FOLR3: variants seen among roughly 807,000 people sequenced by gnomAD.
The protein encoded by FOLR3 is folate receptor gamma, also known as folate receptor 3 (gamma).
Under a neutral mutation model 20.0 loss-of-function variants are expected in FOLR3, and 9 were observed. The ratio of observed to expected loss-of-function variants is 0.45; its 90% CI spans 0.27 to 0.79. FOLR3 has a LOEUF of 0.79. Among genes scored for constraint, FOLR3 ranks in the 30% least tolerant of loss-of-function variants. The pLI is 0.15. For missense variants in FOLR3, 309 were observed against 323.5 expected (o/e 0.96, Z 0.34); for synonymous variants, 124 against 115.5 (o/e 1.07, Z -0.47).
intron 2 of FOLR3, chr11:72,138,695 C>T (rs652197): frequency 0.82 from 410,603 of 502,884 alleles, 171,350 homozygotes; most frequent in Admixed American, 0.89. Flanking sequence ...TTATTTGAGC[C>T]CAGGATGTTG....
chr11:72,137,076 C>A (rs7950807), intron 2 of FOLR3, among the ~76,000 whole-genome samples: 18,280 of 150,470 alleles, frequency 0.12, 1,051 homozygotes, highest in African/African-American at 0.26. Flanking sequence ...GTCTGGCTCC[C>A]CTCCCATGGA....
At chr11:72,139,186 G>GA in intron 3 of FOLR3, 37 bp downstream of exon 3, 1 of 1,590,654 alleles carries the variant, frequency 6.3e-7, no homozygotes, top group Non-Finnish European at 8.6e-7. Context: ...AACCTCAGCA[G>GA]AGGGCGGAGC....
chr11:72,138,784 G>T, intron 2 of FOLR3, 177 bp from the exon 3 acceptor site: 2 of 699,732 alleles, frequency 2.9e-6, no homozygotes, highest in South Asian at 1.8e-5. Context: ...ATAAATAAAT[G>T]AATAAATAGG....
At position 72,139,526 on chromosome 11, in the gene FOLR3, TG is replaced by T. The variant is rs772392490; in HGVS notation, c.493+48del. On this transcript the variant is annotated intron_variant, in intron 4 of 4. Transcript: ENST00000611028. ...AAGATGAGGAGTGGGAGTGGGGCTT[TG>T]GGGTTGGGAGGGGTGCGGTCTGGCC... 4.7e-5 allele frequency: 76 copies of T among 1,612,830 alleles called. 1 individual carries two copies. In the African/African-American group the frequency reaches 8.4e-4, roughly 18 times the overall value.
chr11:72,137,195 C>T (rs1412040505), intron 2 of FOLR3, among the ~76,000 whole-genome samples: 1 of 152,148 alleles, frequency 6.6e-6, no homozygotes, highest in South Asian at 2.1e-4. Context: ...TTCATGATTT[C>T]TCAGGTTTTC....
chr11:72,139,196 C>A (rs759713781), intron 3 of FOLR3, 47 bp downstream of exon 3: 2 of 1,579,378 alleles, frequency 1.3e-6, no homozygotes, highest in Non-Finnish European at 1.7e-6. Context: ...GAGGGCGGAG[C>A]CTGCCAGTTG....
rs769769056 is a variant in FOLR3 at position 72,139,167 on chromosome 11, A to C, written c.357+18A>C. 2.5e-6 allele frequency: 4 copies of C among 1,605,946 alleles called. No homozygotes were observed. Among genetic ancestry groups the C allele is most frequent in the Non-Finnish European group, 3.4e-6 (4 of 1,175,254 alleles). ...TCCGGCAGGTATGAGTGCTGTTCCC[A>C]CAAACATTAACCTCAGCAGAGGGCG... On this transcript the variant is annotated intron_variant, in intron 3 of 4. Transcript: ENST00000611028.
At position 72,136,064 on chromosome 11, in the gene FOLR3, A is replaced by T. The variant is rs1006933536; in HGVS notation, c.112A>T (p.Met38Leu). Residue 38 changes from methionine (M) to leucine (L), a missense_variant, in exon 2 of 5, where the codon ATG (methionine) becomes TTG (leucine). Coordinates refer to ENST00000611028, the MANE Select transcript of FOLR3 (RefSeq NM_000804.4). Reference sequence around the variant, plus strand: ...CAGGACGGACCTGCTCAATGTCTGCATGAACGCCAAGCACCACAAGACACA... The same window carrying T: ...CAGGACGGACCTGCTCAATGTCTGCTTGAACGCCAAGCACCACAAGACACA... ...RARTDLLNVCMNAKHHKTQPS... is the reference protein window; with the variant it reads ...RARTDLLNVCLNAKHHKTQPS... 1.9e-6 allele frequency: 3 copies of T among 1,614,086 alleles called. No homozygotes were observed. The highest frequency in any genetic ancestry group is 2.5e-6 in the Non-Finnish European group (3 of 1,179,934).
At chr11:72,138,840 C>G (rs1042745125) in intron 2 of FOLR3, 121 bp from the exon 3 acceptor site, 1 of 1,168,160 alleles carries the variant, frequency 8.6e-7, no homozygotes, top group Admixed American at 2.1e-5. Context: ...CAGGTGGGAG[C>G]TCCTCAAGGG....
intron 2 of FOLR3, among the ~76,000 whole-genome samples, chr11:72,137,917 C>T (rs1349362439): frequency 1.3e-5 from 2 of 152,058 alleles, no homozygotes; most frequent in South Asian, 4.2e-4. Flanking sequence ...CTACACACAG[C>T]CCACCCACCC....
intron 2 of FOLR3, among the ~76,000 whole-genome samples, chr11:72,137,428 T>G (rs1947755443): frequency 6.6e-6 from 1 of 151,612 alleles, no homozygotes; most frequent in Non-Finnish European, 1.5e-5. Flanking sequence ...GACCAGCCCC[T>G]TGACCTCCAC....
rs375384827 is a variant in FOLR3, at chr11:72,139,031, G to A, written c.239G>A (p.Arg80His). 7.6e-5 allele frequency: 122 copies of A among 1,613,884 alleles called. No homozygotes were observed. Among genetic ancestry groups the A allele is most frequent in the Non-Finnish European group, 9.2e-5 (109 of 1,179,898 alleles). The change falls in exon 3 of 5, where the codon CGC becomes CAC. Residue 80 changes from arginine (R) to histidine (H), a missense_variant. Transcript: ENST00000611028. ...CAGGAGCTGCACAAGGACACCTCCC[G>A]CCTGTACAACTTTAACTGGGATCAC... ...TSQELHKDTS[R>H]LYNFNWDHCG...
At position 72,139,230 on chromosome 11, in the gene FOLR3, G is replaced by A. The variant is rs980194199; in HGVS notation, c.357+81G>A. The A allele has an allele frequency of 8.3e-6, 13 of 1,561,112 alleles. No homozygotes were observed. The African/African-American group carries it at 1.8e-4, about 21-fold the overall frequency. ...TGCTGGCAGGGAGGGCTTGGTCCAG[G>A]AATTCGGGTCTGAGGGTGGTGGACG... On this transcript the variant is annotated intron_variant, in intron 3 of 4. Coordinates refer to ENST00000611028, the MANE Select transcript of FOLR3 (RefSeq NM_000804.4).
At chr11:72,138,736 C>T (rs1241615049) in intron 2 of FOLR3, 20 of 580,216 alleles carry the variant, frequency 3.4e-5, no homozygotes, top group Non-Finnish European at 4.6e-5. Context: ...CACACCACTG[C>T]GCTCCAGCCT....
chr11:72,139,530 G>T, intron 4 of FOLR3, 48 bp downstream of exon 4: 1 of 1,612,864 alleles, frequency 6.2e-7, no homozygotes, highest in Non-Finnish European at 8.5e-7. Context: ...GGGCTTTGGG[G>T]TTGGGAGGGG....
rs200388820 is a variant in FOLR3 at position 72,139,106 on chromosome 11, G to A, written c.314G>A (p.Cys105Tyr). The change falls in exon 3 of 5, where the codon TGT becomes TAT. Residue 105 changes from cysteine (C) to tyrosine (Y), a missense_variant. Cys to Tyr is a radical substitution (Grantham distance 194). Transcript: ENST00000611028. Reference sequence around the variant, plus strand: ...AAGCGCCACTTTATCCAGGACAGCTGTCTCTATGAGTGCTCACCCAACCTG... The same window carrying A: ...AAGCGCCACTTTATCCAGGACAGCTATCTCTATGAGTGCTCACCCAACCTG... ...TCKRHFIQDS[C>Y]LYECSPNLGP... is the part of the protein sequence containing the mutation. 1.1e-3 allele frequency: 1,594 copies of A among 1,496,332 alleles called. 4 individuals carry two copies. Among genetic ancestry groups the A allele is most frequent in the Non-Finnish European group, 1.3e-3 (1,512 of 1,121,888 alleles). 92.7% of individuals were successfully genotyped at this position (1,496,332 alleles called of 1,614,324 possible).
intron 2 of FOLR3, among the ~76,000 whole-genome samples, 168 bp downstream of exon 2, chr11:72,136,288 A>G (rs1427650911): frequency 6.6e-6 from 1 of 152,168 alleles, no homozygotes; most frequent in African/African-American, 2.4e-5. Flanking sequence ...AGCTTGGGGA[A>G]TATGAGCTCC....
At chr11:72,136,153 A>G (rs377688175) in intron 2 of FOLR3, 33 bp downstream of exon 2, 11 of 1,612,052 alleles carry the variant, frequency 6.8e-6, no homozygotes, top group East Asian at 4.5e-5. Context: ...CAGCATGCAC[A>G]CAGGTCAGAG....
In FOLR3 at chr11:72,139,571, C is replaced by G. The variant is rs377298331; in HGVS notation, c.494-16C>G. On this transcript the variant is annotated splice_polypyrimidine_tract_variant and intron_variant, in intron 4 of 4. Coordinates refer to ENST00000611028, the MANE Select transcript of FOLR3 (RefSeq NM_000804.4). ...TCTGGCCCAGAAGCTAAGGGTCTTA[C>G]GTTCTCCTCCCTCAGGGATTAATGA... The G allele has an allele frequency of 1.6e-5, 26 of 1,613,796 alleles. 2 individuals are homozygous for G. In the South Asian group the frequency reaches 2.6e-4, roughly 16 times the overall value.
Sources: allele counts gnomAD v4.1 joint callset (sites outside exome capture counted in the v4.1 genomes callset), GRCh38; gene constraint gnomAD v4.1.1; transcripts MANE v1.5; gene names NCBI Gene and HGNC (gene_info 2026-07-23, HGNC 2026-07-21).